The following ZFHX4 variants were observed in gnomAD, a reference collection of about 807,000 sequenced individuals.
ZFHX4 encodes zinc finger homeobox protein 4.
A neutral mutation model predicts 267.6 loss-of-function variants in ZFHX4; 56 were observed. The observed-to-expected ratio is 0.21, with a 90% CI of 0.17 to 0.26. ZFHX4 has a LOEUF of 0.26. Among genes scored for constraint, ZFHX4 ranks in the 10% least tolerant of loss-of-function variants. ZFHX4 has a pLI of 1.00. For missense variants in ZFHX4, 4,332 were observed against 4,420.0 expected (o/e 0.98, Z 0.56); for synonymous variants, 1,778 against 1,665.6 (o/e 1.07, Z -1.64).
intron 3 of ZFHX4, among the ~76,000 whole-genome samples, chr8:76,758,227 G>A (rs1809815144): frequency 6.6e-6 from 1 of 152,104 alleles, no homozygotes; most frequent in Non-Finnish European, 1.5e-5. Flanking sequence ...ATAGAGGACA[G>A]AGAATGTTAC....
chr8:76,800,800 A>G (rs1431199946), intron 4 of ZFHX4, among the ~76,000 whole-genome samples: 1 of 152,196 alleles, frequency 6.6e-6, no homozygotes, highest in African/African-American at 2.4e-5. Flanking sequence ...GCAGCAAGGA[A>G]AAAACAAGCA....
At chr8:76,814,351 G>A (rs540893880) in intron 4 of ZFHX4, among the ~76,000 whole-genome samples, 112 of 152,246 alleles carry the variant, frequency 7.4e-4, no homozygotes, top group African/African-American at 2.6e-3. Flanking sequence ...ACATCAATAT[G>A]ATAAAAGAGA....
intron 4 of ZFHX4, among the ~76,000 whole-genome samples, chr8:76,803,191 G>A (rs1160459198): frequency 6.6e-6 from 1 of 151,984 alleles, no homozygotes; most frequent in East Asian, 1.9e-4. Context: ...GTCTAGTACA[G>A]AAATAAAAAT....
At chr8:76,778,185 A>G (rs1485712833) in intron 3 of ZFHX4, 23 bp from the exon 4 acceptor site, 1 of 1,514,322 alleles carries the variant, frequency 6.6e-7, no homozygotes, top group Non-Finnish European at 9.2e-7. Context: ...CCATTGTTCT[A>G]ATGAGCCTTC....
intron 3 of ZFHX4, among the ~76,000 whole-genome samples, chr8:76,732,147 C>T (rs1037769189): frequency 6.6e-6 from 1 of 151,856 alleles, no homozygotes; most frequent in African/African-American, 2.4e-5. Flanking sequence ...TGACCATGAT[C>T]ACATTTTTGT....
chr8:76,853,168 A>G lies in ZFHX4; in HGVS notation c.6247A>G (p.Met2083Val). ...CCTGCCGCTCTTTCCTTCCATTATG[A>G]TGCAACCTGTGCAACACCCTGCGCT... ...LDLPLFPSIMMQPVQHPALPP... is the reference protein window; with the variant it reads ...LDLPLFPSIMVQPVQHPALPP... Residue 2083 changes from methionine to valine, a missense_variant, in exon 10 of 11, where the codon ATG becomes GTG. Around this residue, in one of 7 missense-constraint regions of ZFHX4, gnomAD observed 1,371 missense variants for 1,423.1 expected, o/e 0.96. Coordinates refer to ENST00000651372, the MANE Select transcript of ZFHX4 (RefSeq NM_024721.5). 1 of 1,549,736 alleles carries G rather than the reference A, an allele frequency of 6.5e-7. No homozygotes were observed. The highest frequency in any genetic ancestry group is 8.7e-7 in the Non-Finnish European group (1 of 1,146,764).
chr8:76,706,140 C>A lies in ZFHX4; in HGVS notation c.2052C>A (p.Pro684=). ...ATTGTAAGACTGGACAGCCTCACCC[C>A]AGGCTTGCCCGGGGTGAGAGTTACA... is the stretch of plus-strand genomic sequence containing the variant. ...CVYCKTGQPH[P]RLARGESYTC... is the part of the protein sequence containing the mutation. Residue 684 remains proline (P), a synonymous_variant, in exon 2 of 11, where the codon CCC becomes CCA. Coordinates refer to ENST00000651372, the MANE Select transcript of ZFHX4 (RefSeq NM_024721.5). 6.2e-7 allele frequency: 1 copy of A among 1,613,934 alleles called. No homozygotes were observed. Among genetic ancestry groups the A allele is most frequent in the Non-Finnish European group, 8.5e-7 (1 of 1,179,906 alleles).
chr8:76,849,253 C>T, intron 7 of ZFHX4, 125 bp downstream of exon 7: 1 of 1,113,146 alleles, frequency 9.0e-7, no homozygotes, highest in Non-Finnish European at 1.3e-6. Context: ...CAATGTAACT[C>T]TTGGTATTAC....
intron 3 of ZFHX4, among the ~76,000 whole-genome samples, chr8:76,712,580 T>C (rs761503278): frequency 6.6e-6 from 1 of 152,136 alleles, no homozygotes; most frequent in Non-Finnish European, 1.5e-5. Context: ...GGAGATTGTG[T>C]GGTACACATT....
intron 1 of ZFHX4, among the ~76,000 whole-genome samples, chr8:76,688,605 T>C (rs750896531): frequency 5.3e-5 from 8 of 152,136 alleles, no homozygotes; most frequent in Admixed American, 1.3e-4. Flanking sequence ...CAGTTGACAA[T>C]GTGATCAACA....
intron 1 of ZFHX4, among the ~76,000 whole-genome samples, chr8:76,698,382 GT>G (rs1408769748): frequency 1.3e-5 from 2 of 152,140 alleles, no homozygotes; most frequent in African/African-American, 4.8e-5. Flanking sequence ...TTTGATTAAA[GT>G]TTTGAAGAAA....
At position 76,863,666 on chromosome 8, in the gene ZFHX4, C is replaced by A. The variant is rs932898233; in HGVS notation, c.9952C>A (p.Gln3318Lys). 1.9e-6 allele frequency: 3 copies of A among 1,605,536 alleles called. No individual in the cohort carries two copies. The highest frequency in any genetic ancestry group is 2.7e-5 in the African/African-American group (2 of 74,800). ...TCTGTCCCCAGGTGCACTGTTGCAG[C>A]AGTACCAACAGTATCAGCAGAACCT... ...AGLSPGALLQ[Q>K]YQQYQQNLQE... The change falls in exon 11 of 11, where the codon CAG (glutamine) becomes AAG (lysine). Residue 3318 changes from glutamine (Q) to lysine (K), a missense_variant. Physicochemically the swap from Gln to Lys is moderately conservative, Grantham distance 53. Transcript: ENST00000651372.
At chr8:76,687,287 C>A (rs1034452873) in intron 1 of ZFHX4, among the ~76,000 whole-genome samples, 1 of 152,152 alleles carries the variant, frequency 6.6e-6, no homozygotes, top group African/African-American at 2.4e-5. Flanking sequence ...AAAAAGAAAG[C>A]GTTGTTTGCC....
chr8:76,833,314 C>T (rs757165052), intron 4 of ZFHX4, 24 bp from the exon 5 acceptor site: 2 of 1,603,114 alleles, frequency 1.2e-6, no homozygotes, highest in Non-Finnish European at 1.7e-6. Context: ...TGCTGATTAC[C>T]TTTCACTCTG....
chr8:76,711,911 C>G (rs1287264068), intron 3 of ZFHX4, among the ~76,000 whole-genome samples: 1 of 152,164 alleles, frequency 6.6e-6, no homozygotes, highest in Non-Finnish European at 1.5e-5. Context: ...CCATTCAGTG[C>G]AGGACATAGA....
rs532023522 is a variant in ZFHX4, at chr8:76,779,484, T to G, written c.3325+1045T>G. ...ACTGTAGGCCAGTTGGAAAATCAAATCAGCATCAGTGAATCAGAATAGAGC... is the reference window on the plus strand; with the variant it reads ...ACTGTAGGCCAGTTGGAAAATCAAAGCAGCATCAGTGAATCAGAATAGAGC... On this transcript the variant is annotated intron_variant, in intron 4 of 10. Coordinates refer to ENST00000651372, the MANE Select transcript of ZFHX4 (RefSeq NM_024721.5). Among the ~76,000 whole-genome samples, 4 of 152,220 alleles carry G rather than the reference T, an allele frequency of 2.6e-5. No individual in the cohort carries two copies. In the South Asian group the frequency reaches 6.2e-4, roughly 24 times the overall value.
In ZFHX4 at chr8:76,704,425, G is replaced by C. The variant is rs113917559; in HGVS notation, c.337G>C (p.Glu113Gln). ...ARLPVLKDDN[E>Q]SEISELEDSD... The stretch of plus-strand genomic sequence containing the variant: ...CCTTCCTGTCCTGAAGGATGACAAC[G>C]AGAGCGAGATCAGCGAGTTAGAGGA... Residue 113 changes from glutamate to glutamine, a missense_variant, in exon 2 of 11, where the codon GAG becomes CAG. By Grantham distance (29) the Glu-to-Gln change is conservative. Transcript: ENST00000651372. The C allele has an allele frequency of 1.9e-6, 3 of 1,613,970 alleles. No individual in the cohort carries two copies. Among genetic ancestry groups the C allele is most frequent in the Non-Finnish European group, 2.5e-6 (3 of 1,179,882 alleles).
At chr8:76,689,152 C>T (rs954543313) in intron 1 of ZFHX4, among the ~76,000 whole-genome samples, 2 of 151,840 alleles carry the variant, frequency 1.3e-5, no homozygotes, top group African/African-American at 4.8e-5. Context: ...CTTAAAAGAA[C>T]AAAAAAATCC....
At chr8:76,691,941 G>T (rs1807835296) in intron 1 of ZFHX4, among the ~76,000 whole-genome samples, 4 of 152,072 alleles carry the variant, frequency 2.6e-5, no homozygotes, top group Admixed American at 1.3e-4. Context: ...ACAAGAAAAA[G>T]ATATGAATTT....
Sources: allele counts gnomAD v4.1 joint callset (sites outside exome capture counted in the v4.1 genomes callset), GRCh38; gene constraint gnomAD v4.1.1; regional missense constraint gnomAD v4.1.1; transcripts MANE v1.5; gene names NCBI Gene and HGNC (gene_info 2026-07-23, HGNC 2026-07-21).